The following NXPE2 variants were observed in gnomAD, a reference collection of about 807,000 sequenced individuals.
NXPE2 encodes neurexophilin and PC-esterase domain family member 2.
A neutral mutation model predicts 34.4 loss-of-function variants in NXPE2; 34 were observed. That is an observed-to-expected ratio of 0.99 (90% confidence interval 0.75 to 1.31). NXPE2 has a LOEUF of 1.31. Ranked by LOEUF, NXPE2 falls within the 40% of genes most tolerant of loss-of-function variation. The pLI, the probability that NXPE2 is intolerant of heterozygous loss-of-function variation, is 0.00. For missense variants in NXPE2, 649 were observed against 672.5 expected, an observed-to-expected ratio of 0.97 and a Z score of 0.39; for synonymous variants, 235 against 231.3, an observed-to-expected ratio of 1.02 and a Z score of -0.15.
the NXPE2 span, among the ~76,000 whole-genome samples, chr11:114,742,862 T>C: frequency 6.6e-6 from 1 of 152,176 alleles, no homozygotes; most frequent in Non-Finnish European, 1.5e-5. Context: ...CTGATGTTTA[T>C]ATGGGTTTGA....
the NXPE2 span, among the ~76,000 whole-genome samples, chr11:114,469,473 C>T: frequency 2.2e-4 from 33 of 152,144 alleles, 1 homozygote; most frequent in East Asian, 4.5e-3. Flanking sequence ...ATAAACTGCA[C>T]AAATTTGAAG....
At chr11:114,779,347 CTGGGGCGGTG>C in the NXPE2 span, among the ~76,000 whole-genome samples, 6 of 144,876 alleles carry the variant, frequency 4.1e-5, no homozygotes, top group East Asian at 1.2e-3. Flanking sequence ...GGGCCCTGGC[CTGGGGCGGTG>C]TGGGGGGCTT....
chr11:114,530,321 T>G, the NXPE2 span: 1 of 1,613,996 alleles, frequency 6.2e-7, no homozygotes, highest in Admixed American at 1.7e-5. Flanking sequence ...ATTCACAGAG[T>G]TCAGCATTTG....
the NXPE2 span, among the ~76,000 whole-genome samples, chr11:114,623,064 G>A: frequency 2.6e-5 from 4 of 152,224 alleles, no homozygotes; most frequent in African/African-American, 9.6e-5. Flanking sequence ...TTGCCTTGAG[G>A]GTAACCACTG....
chr11:114,804,266 G>T, the NXPE2 span, among the ~76,000 whole-genome samples: 289 of 152,288 alleles, frequency 1.9e-3, 1 homozygote, highest in Non-Finnish European at 3.2e-3. Flanking sequence ...GGAGAGTGTG[G>T]CCTCAAGGTT....
the NXPE2 span, among the ~76,000 whole-genome samples, chr11:114,792,274 A>G: frequency 6.6e-6 from 1 of 152,098 alleles, no homozygotes; most frequent in African/African-American, 2.4e-5. Context: ...TAAAATTTTT[A>G]TCATAATGAT....
the NXPE2 span, among the ~76,000 whole-genome samples, chr11:114,591,130 G>A: frequency 6.6e-6 from 1 of 152,142 alleles, no homozygotes; most frequent in Non-Finnish European, 1.5e-5. Flanking sequence ...AGTCCATAAG[G>A]CAGAATATCC....
chr11:114,788,743 CCTT>C, the NXPE2 span, among the ~76,000 whole-genome samples: 1 of 152,162 alleles, frequency 6.6e-6, no homozygotes, highest in African/African-American at 2.4e-5. Context: ...CTTTGCCTGA[CCTT>C]CTTTAGGGTG....
chr11:114,667,133 T>C, the NXPE2 span, among the ~76,000 whole-genome samples: 1 of 152,154 alleles, frequency 6.6e-6, no homozygotes, highest in Non-Finnish European at 1.5e-5. Context: ...GTTATCTGTA[T>C]ACATGAAGAT....
At chr11:114,492,021 A>T in the NXPE2 span, among the ~76,000 whole-genome samples, 1 of 151,962 alleles carries the variant, frequency 6.6e-6, no homozygotes, top group African/African-American at 2.4e-5. Flanking sequence ...TGGTCGGGGG[A>T]GGGGGGACGG....
chr11:114,766,772 A>G, the NXPE2 span, among the ~76,000 whole-genome samples: 1 of 152,100 alleles, frequency 6.6e-6, no homozygotes, highest in Non-Finnish European at 1.5e-5. Flanking sequence ...ACAGTCTGCT[A>G]GTGAATTATT....
the NXPE2 span, among the ~76,000 whole-genome samples, chr11:114,492,580 C>T: frequency 1.9e-3 from 284 of 151,794 alleles, no homozygotes; most frequent in African/African-American, 6.7e-3. Flanking sequence ...GCTCCATCGC[C>T]CAGGCTGGAG....
chr11:114,666,665 T>C, the NXPE2 span, among the ~76,000 whole-genome samples: 1 of 152,154 alleles, frequency 6.6e-6, no homozygotes, highest in East Asian at 1.9e-4. Context: ...ATCTGAAATA[T>C]TATTCATGGT....
the NXPE2 span, among the ~76,000 whole-genome samples, chr11:114,808,675 C>T: frequency 6.6e-6 from 1 of 151,058 alleles, no homozygotes; most frequent in Non-Finnish European, 1.5e-5. Context: ...AGACCAATAA[C>T]AGGCTCTGAA....
the NXPE2 span, among the ~76,000 whole-genome samples, chr11:114,736,015 T>A: frequency 6.6e-6 from 1 of 152,132 alleles, no homozygotes; most frequent in Admixed American, 6.5e-5. Context: ...TGATGCCCCC[T>A]GAGCCATAAA....
chr11:114,490,307 C>A, the NXPE2 span, among the ~76,000 whole-genome samples: 92,691 of 152,042 alleles, frequency 0.61, 29,711 homozygotes, highest in African/African-American at 0.82. Flanking sequence ...ATTCATTGGC[C>A]TCCCCATCAA....
the NXPE2 span, among the ~76,000 whole-genome samples, chr11:114,484,577 A>G: frequency 6.6e-6 from 1 of 152,160 alleles, no homozygotes; most frequent in Non-Finnish European, 1.5e-5. Flanking sequence ...ATGATCTACA[A>G]TATATGAAGG....
chr11:114,638,254 A>T, the NXPE2 span, among the ~76,000 whole-genome samples: 2 of 152,054 alleles, frequency 1.3e-5, no homozygotes, highest in African/African-American at 4.8e-5. Flanking sequence ...AGTTGATCAC[A>T]TCAGCTCCTG....
At chr11:114,524,246 G>A in the NXPE2 span, among the ~76,000 whole-genome samples, 2 of 144,446 alleles carry the variant, frequency 1.4e-5, no homozygotes, top group South Asian at 4.4e-4. Context: ...CTAGATATAA[G>A]AAAGGATAGC....
Sources: allele counts gnomAD v4.1 joint callset (sites outside exome capture counted in the v4.1 genomes callset), GRCh38; gene constraint gnomAD v4.1.1; transcripts MANE v1.5; gene names NCBI Gene and HGNC (gene_info 2026-07-23, HGNC 2026-07-21).